The following CNIH3 variants were observed in gnomAD, a reference collection of about 807,000 sequenced individuals.
CNIH3 encodes cornichon family AMPA receptor auxiliary protein 3, also known as protein cornichon homolog 3.
A neutral mutation model predicts 24.1 loss-of-function variants in CNIH3; 14 were observed. The ratio of observed to expected loss-of-function variants is 0.58; its 90% CI spans 0.38 to 0.91. CNIH3 has a LOEUF of 0.91. CNIH3 is among the 40% of genes least tolerant of loss of function. CNIH3 has a pLI of 0.00. For synonymous variants in CNIH3, 68 were observed against 73.8 expected, an observed-to-expected ratio of 0.92 and a Z score of 0.40; for missense variants, 178 against 196.8, an observed-to-expected ratio of 0.90 and a Z score of 0.57.
chr1:224,559,325 A>G (rs993651295), intron 3 of CNIH3, among the ~76,000 whole-genome samples: 5 of 152,136 alleles, frequency 3.3e-5, no homozygotes, highest in Non-Finnish European at 7.3e-5. Context: ...AAACTAACTC[A>G]TTTGTGATTA....
intron 1 of CNIH3, among the ~76,000 whole-genome samples, chr1:224,475,549 C>T (rs1676555477): frequency 6.6e-6 from 1 of 152,044 alleles, no homozygotes; most frequent in Non-Finnish European, 1.5e-5. Context: ...AAATCCAAAA[C>T]CTGAACAGGC....
chr1:224,435,748 A>G (rs918030753), intron 1 of CNIH3: 1 of 152,246 alleles, frequency 6.6e-6, no homozygotes, highest in African/African-American at 2.4e-5. Context: ...TGCAGCAACA[A>G]AGACTGGGCT....
At chr1:224,478,692 T>G (rs1676681567) in intron 1 of CNIH3, among the ~76,000 whole-genome samples, 1 of 152,200 alleles carries the variant, frequency 6.6e-6, no homozygotes, top group Admixed American at 6.5e-5. Context: ...ATAGTCTTGA[T>G]GTTTGTGGAT....
At chr1:224,615,201 C>G (rs1386446381), upstream of CNIH3, 1 of 152,128 alleles carries the variant, frequency 6.6e-6, no homozygotes, top group Non-Finnish European at 1.5e-5. Context: ...ATCTAGTTCC[C>G]ACCCTGTGCA....
upstream of CNIH3, chr1:224,616,308 A>T: frequency 3.8e-6 from 1 of 262,398 alleles, no homozygotes; most frequent in Non-Finnish European, 6.5e-6. Context: ...TCGCACCGCT[A>T]CAGTTCTCGC....
rs144734364 is a variant in CNIH3 at position 224,543,378 on chromosome 1, C to T, written n.340-3451C>T. The stretch of plus-strand genomic sequence containing the variant: ...AACTGTAATTACCAGTACTCTCCTG[C>T]GTACTTTAGTTCACGGGAGTTCTGT... On this transcript the variant is annotated intron_variant and non_coding_transcript_variant, in intron 2 of 5. Coordinates refer to the CNIH3 transcript ENST00000471578. Among the ~76,000 whole-genome samples the T allele has an allele frequency of 3.9e-4, 59 of 152,218 alleles. No individual in the cohort carries two copies. In the East Asian group the frequency reaches 0.011, roughly 28 times the overall value.
intron 2 of CNIH3, among the ~76,000 whole-genome samples, chr1:224,528,455 G>A (rs1041863827): frequency 6.6e-6 from 1 of 152,070 alleles, no homozygotes; most frequent in Non-Finnish European, 1.5e-5. Context: ...TGAGTAGCTG[G>A]TACCATGGTG....
intron 1 of CNIH3, among the ~76,000 whole-genome samples, chr1:224,478,723 G>A (rs1676682170): frequency 2.0e-5 from 3 of 152,100 alleles, no homozygotes; most frequent in Admixed American, 2.0e-4. Flanking sequence ...GTATTACTCT[G>A]TTTTCATGCT....
intron 1 of CNIH3, among the ~76,000 whole-genome samples, chr1:224,463,696 C>T (rs368155428): frequency 1.0e-4 from 15 of 150,574 alleles, no homozygotes; most frequent in East Asian, 5.9e-4. Flanking sequence ...TGTGAGCCAC[C>T]GTGCCCGGCC....
intron 4 of CNIH3, chr1:224,574,859 C>T (rs763642617): frequency 1.0e-6 from 1 of 970,602 alleles, no homozygotes; most frequent in Non-Finnish European, 1.7e-6. Context: ...ACATTCTGGA[C>T]ACATGGGCGG....
intron 1 of CNIH3, among the ~76,000 whole-genome samples, chr1:224,619,215 A>G (rs1156500551): frequency 1.3e-5 from 2 of 152,240 alleles, no homozygotes; most frequent in African/African-American, 4.8e-5. Flanking sequence ...TCAGGGAAAG[A>G]TGATTAATAA....
At position 224,726,432 on chromosome 1, in the gene CNIH3, A is replaced by G. The variant is rs541525823; in HGVS notation, c.199-4030A>G. ...GGTGGAAATGTTTGCCAGCAAATGAAAATTGACTATTAGCATCTGGGTAGG... is the reference window on the plus strand; with the variant it reads ...GGTGGAAATGTTTGCCAGCAAATGAGAATTGACTATTAGCATCTGGGTAGG... On this transcript the variant is annotated intron_variant, in intron 3 of 5. Transcript: ENST00000272133. Among the ~76,000 whole-genome samples the G allele has an allele frequency of 2.0e-5, 3 of 152,358 alleles. No individual in the cohort carries two copies. The South Asian group carries it at 6.2e-4, about 32-fold the overall frequency.
At position 224,641,825 on chromosome 1, in the gene CNIH3, C is replaced by A. The variant is rs568490191; in HGVS notation, c.81+24570C>A. ...GATCTAGGATCGGGATAATGGCTTGCAACCATGTCAAAAATTTTCCTGGTG... is the reference window on the plus strand; with the variant it reads ...GATCTAGGATCGGGATAATGGCTTGAAACCATGTCAAAAATTTTCCTGGTG... On this transcript the variant is annotated intron_variant, in intron 1 of 5. Transcript: ENST00000272133. Among the ~76,000 whole-genome samples the A allele has an allele frequency of 9.2e-5, 14 of 152,314 alleles. No individual in the cohort carries two copies. In the East Asian group the frequency reaches 2.5e-3, roughly 27 times the overall value.
chr1:224,616,421 T>C lies in CNIH3; in HGVS notation c.-754T>C. 6.2e-6 allele frequency: 6 copies of C among 975,078 alleles called. No homozygotes were observed. Among genetic ancestry groups the C allele is most frequent in the Non-Finnish European group, 7.3e-6 (6 of 816,712 alleles). The allele number at this position is 975,078 out of a possible 1,614,324, so 60.4% of individuals were successfully genotyped here. ...ACTGCTGCAGCCACCCGGGCTGGAG[T>C]TGGCCCGTTGGGTGGAGCCAGTGCT... is the stretch of plus-strand genomic sequence containing the variant. On this transcript the variant is annotated 5_prime_UTR_variant, in exon 1 of 6. Transcript: ENST00000272133.
At chr1:224,455,922 A>G (rs1675630102) in intron 1 of CNIH3, among the ~76,000 whole-genome samples, 1 of 152,234 alleles carries the variant, frequency 6.6e-6, no homozygotes, top group Admixed American at 6.5e-5. Context: ...ATTGAATATG[A>G]ATACTACCAG....
downstream of CNIH3, among the ~76,000 whole-genome samples, chr1:224,540,652 A>G (rs922182930): frequency 1.3e-5 from 2 of 152,200 alleles, no homozygotes; most frequent in Non-Finnish European, 2.9e-5. Flanking sequence ...CCCTACCTCC[A>G]GCTCATGTTT....
intron 1 of CNIH3, among the ~76,000 whole-genome samples, chr1:224,621,779 C>A (rs1355166747): frequency 6.6e-6 from 1 of 152,228 alleles, no homozygotes; most frequent in Non-Finnish European, 1.5e-5. Context: ...TGGCTTGACG[C>A]ATTTCCAGTT....
In CNIH3 at chr1:224,650,806, A is replaced by C. The variant is rs538728738; in HGVS notation, c.82-30152A>C. ...TCCTGAGAGGATGACAGGGGAGAAG[A>C]CTCCTTGGGTCTCTGGTGGAGCCCC... is the stretch of plus-strand genomic sequence containing the variant. On this transcript the variant is annotated intron_variant, in intron 1 of 5. Coordinates refer to ENST00000272133, the MANE Select transcript of CNIH3 (RefSeq NM_152495.2). Among the ~76,000 whole-genome samples the C allele has an allele frequency of 1.3e-3, 191 of 151,500 alleles. No individual in the cohort carries two copies. The Middle Eastern group carries it at 0.021, about 16-fold the overall frequency.
chr1:224,445,048 G>C (rs913019769), intron 1 of CNIH3, among the ~76,000 whole-genome samples: 1 of 151,062 alleles, frequency 6.6e-6, no homozygotes, highest in Non-Finnish European at 1.5e-5. Flanking sequence ...GAACGTACCC[G>C]TGAAACCATC....
Sources: allele counts gnomAD v4.1 joint callset (sites outside exome capture counted in the v4.1 genomes callset), GRCh38; gene constraint gnomAD v4.1.1; transcripts MANE v1.5; gene names NCBI Gene and HGNC (gene_info 2026-07-23, HGNC 2026-07-21).